The following PPP6R3 variants were observed in gnomAD, a reference collection of about 807,000 sequenced individuals.
The protein encoded by PPP6R3 is protein phosphatase 6 regulatory subunit 3.
PPP6R3 carries 38 observed loss-of-function variants against 110.7 expected under a neutral mutation model. The ratio of observed to expected loss-of-function variants is 0.34; its 90% CI spans 0.26 to 0.45. The LOEUF is 0.45. Ranked by LOEUF, PPP6R3 falls within the 20% of genes least tolerant of loss-of-function variation. PPP6R3 has a pLI of 1.00. For synonymous variants in PPP6R3, 369 were observed against 373.5 expected (o/e 0.99, Z 0.14); for missense variants, 870 against 1,062.4 (o/e 0.82, Z 2.52).
At chr11:68,480,235 G>C (rs1379157311) in intron 1 of PPP6R3, among the ~76,000 whole-genome samples, 1 of 152,052 alleles carries the variant, frequency 6.6e-6, no homozygotes, top group Non-Finnish European at 1.5e-5. Flanking sequence ...CTGATCTTTT[G>C]ATGTTTCTTT....
In PPP6R3 at chr11:68,542,566, G is replaced by A. The variant is rs1026258206; in HGVS notation, c.228-2272G>A. Among the ~76,000 whole-genome samples the A allele has an allele frequency of 2.0e-5, 3 of 151,634 alleles. No homozygotes were observed. In the East Asian group the frequency reaches 5.8e-4, roughly 29 times the overall value. ...GTGCCACCACACCTGGCTAATTTTT[G>A]TGTTTTTAGTAGAGATGGGGTTTTG... On this transcript the variant is annotated intron_variant, in intron 3 of 23. Coordinates refer to ENST00000393800, the MANE Select transcript of PPP6R3 (RefSeq NM_001164161.2).
intron 10 of PPP6R3, among the ~76,000 whole-genome samples, chr11:68,568,332 ATTG>A (rs920366480): frequency 5.3e-5 from 8 of 152,316 alleles, no homozygotes; most frequent in Non-Finnish European, 1.0e-4. Context: ...ATATACAGTT[ATTG>A]TTAATTTATT....
Position 68,545,143 on chromosome 11 carries a change from T to C in PPP6R3, c.414+119T>C, listed in dbSNP as rs960927564. 10 of 690,168 alleles carry C rather than the reference T, an allele frequency of 1.4e-5. No individual in the cohort carries two copies. In the Admixed American group the frequency reaches 1.9e-4, roughly 13 times the overall value. The allele number at this position is 690,168 out of a possible 1,614,324, so 42.8% of individuals were successfully genotyped here. ...CTTAAGTTCAGGTTGTATAAGAGAA[T>C]GTATTTTAAACCTTAAACATTCTAA... is the stretch of plus-strand genomic sequence containing the variant. On this transcript the variant is annotated intron_variant, in intron 4 of 23. Coordinates refer to ENST00000393800, the MANE Select transcript of PPP6R3 (RefSeq NM_001164161.2).
Position 68,480,908 on chromosome 11 carries a change from T to C in PPP6R3, c.-158+20081T>C, listed in dbSNP as rs970515870. Among the ~76,000 whole-genome samples the C allele has an allele frequency of 2.0e-5, 3 of 152,324 alleles. No individual in the cohort carries two copies. The South Asian group carries it at 6.2e-4, about 32-fold the overall frequency. On this transcript the variant is annotated intron_variant, in intron 1 of 23. Coordinates refer to ENST00000393800, the MANE Select transcript of PPP6R3 (RefSeq NM_001164161.2). ...CAACTCTTTTACATTAGGTAGCTCA[T>C]TTTTTATATCCAGAAATGGGAATGA...
In PPP6R3 at chr11:68,614,720, C is replaced by T. The variant is rs766743342; in HGVS notation, c.*1603C>T. 90 of 1,534,044 alleles carry T rather than the reference C, an allele frequency of 5.9e-5. No individual in the cohort carries two copies. The South Asian group carries it at 8.2e-4, about 14-fold the overall frequency. On this transcript the variant is annotated 3_prime_UTR_variant, in exon 24 of 24. Transcript: ENST00000393800. ...AAGGGTGGGTCCCTTGACCTTTGCA[C>T]GCCTCCTCAGGAACCCCCTTTCCCG...
At chr11:68,515,004 A>G (rs1289478933) in intron 1 of PPP6R3, 2 of 152,038 alleles carry the variant, frequency 1.3e-5, no homozygotes, top group Non-Finnish European at 2.9e-5. Context: ...AGGATTTTAG[A>G]CTTTAGGGCT....
At chr11:68,496,182 C>CT (rs200004744) in intron 1 of PPP6R3, among the ~76,000 whole-genome samples, 247 of 144,268 alleles carry the variant, frequency 1.7e-3, no homozygotes, top group African/African-American at 3.4e-3. Flanking sequence ...CTTTTCTTTT[C>CT]TTTTTTTTTT....
At chr11:68,545,337 A>G (rs541039690) in intron 4 of PPP6R3, among the ~76,000 whole-genome samples, 5 of 152,250 alleles carry the variant, frequency 3.3e-5, no homozygotes, top group Non-Finnish European at 7.3e-5. Context: ...GGCAAGTATA[A>G]TAACTAAGCA....
rs571594217 is a variant in PPP6R3 at position 68,503,114 on chromosome 11, T to C, written c.-157-16387T>C. On this transcript the variant is annotated intron_variant, in intron 1 of 23. Transcript: ENST00000393800. ...GCACACCACCACGCCTGGCTAATTT[T>C]TGTATTTTTTAGTAGAGACAGGTTT... Among the ~76,000 whole-genome samples, 8 of 152,154 alleles carry C rather than the reference T, an allele frequency of 5.3e-5. No homozygotes were observed. The East Asian group carries it at 1.5e-3, about 29-fold the overall frequency.
intron 1 of PPP6R3, among the ~76,000 whole-genome samples, chr11:68,466,655 C>T (rs1010777667): frequency 1.3e-5 from 2 of 151,772 alleles, no homozygotes; most frequent in Non-Finnish European, 1.5e-5. Context: ...CACTGTCGCC[C>T]GGGCTGGAGT....
chr11:68,562,524 T>C (rs569524982), intron 8 of PPP6R3, among the ~76,000 whole-genome samples: 4 of 152,290 alleles, frequency 2.6e-5, no homozygotes, highest in African/African-American at 9.6e-5. Flanking sequence ...TGAGACTTAA[T>C]ACAAAGCGAC....
At position 68,606,098 on chromosome 11, in the gene PPP6R3, A is replaced by G. The variant is rs181293295; in HGVS notation, c.2450+2606A>G. Among the ~76,000 whole-genome samples the G allele has an allele frequency of 3.9e-5, 6 of 152,326 alleles. No individual in the cohort carries two copies. The East Asian group carries it at 1.2e-3, about 29-fold the overall frequency. On this transcript the variant is annotated intron_variant, in intron 22 of 23. Coordinates refer to ENST00000393800, the MANE Select transcript of PPP6R3 (RefSeq NM_001164161.2). Reference sequence around the variant, plus strand: ...AGTGTATTAAAAATAATTTATAATGATTAGTTAGGGTTTATCCTGGAAGGC... The same window carrying G: ...AGTGTATTAAAAATAATTTATAATGGTTAGTTAGGGTTTATCCTGGAAGGC...
At chr11:68,466,612 G>GTATT (rs2098748303) in intron 1 of PPP6R3, among the ~76,000 whole-genome samples, 1 of 131,266 alleles carries the variant, frequency 7.6e-6, no homozygotes. Flanking sequence ...CTAATTTTTT[G>GTATT]TATTTATTTA....
At chr11:68,558,960 A>G (rs774656202) in intron 8 of PPP6R3, among the ~76,000 whole-genome samples, 7 of 152,254 alleles carry the variant, frequency 4.6e-5, no homozygotes, top group Non-Finnish European at 1.0e-4. Flanking sequence ...AATAAATGCT[A>G]TAATCAAAAA....
At chr11:68,503,449 A>G (rs1592152980) in intron 1 of PPP6R3, among the ~76,000 whole-genome samples, 1 of 152,246 alleles carries the variant, frequency 6.6e-6, no homozygotes, top group Admixed American at 6.5e-5. Flanking sequence ...TATCAGTGGG[A>G]CAGAAGAAGG....
chr11:68,597,725 C>G (rs182222971), intron 19 of PPP6R3, among the ~76,000 whole-genome samples: 102 of 151,540 alleles, frequency 6.7e-4, no homozygotes, highest in African/African-American at 2.4e-3. Context: ...GGCCTGTAAT[C>G]CCAGCACTTT....
chr11:68,496,042 T>TGGTGCA (rs1223855230), intron 1 of PPP6R3, among the ~76,000 whole-genome samples: 1 of 152,178 alleles, frequency 6.6e-6, no homozygotes, highest in East Asian at 1.9e-4. Flanking sequence ...TGGAGTGCAG[T>TGGTGCA]GGTGCAGTCA....
In PPP6R3 at chr11:68,510,054, C is replaced by CTTTTTT. The variant is rs372113258; in HGVS notation, c.-157-9431_-157-9426dup. The stretch of plus-strand genomic sequence containing the variant: ...ACAGGTGTGAGCTACTGTGCTCGGC[C>CTTTTTT]TTTTTTTTTTTTTTTTTTTTTGATA... On this transcript the variant is annotated intron_variant, in intron 1 of 23. Coordinates refer to ENST00000393800, the MANE Select transcript of PPP6R3 (RefSeq NM_001164161.2). Among the ~76,000 whole-genome samples the CTTTTTT allele has an allele frequency of 2.5e-4, 19 of 76,966 alleles. 1 individual carries two copies. Among genetic ancestry groups the CTTTTTT allele is most frequent in the East Asian group, 4.3e-4 (1 of 2,342 alleles). 50.5% of individuals were successfully genotyped at this position (76,966 alleles called of 152,430 possible). A position where few individuals can be genotyped will look rare whatever the true frequency, so the allele number is the denominator to read the frequency against.
In PPP6R3 at chr11:68,613,947, AT is replaced by A; in HGVS notation, c.*833del. 1.1e-6 allele frequency: 1 copy of A among 949,966 alleles called. No individual in the cohort carries two copies. 58.8% of individuals were successfully genotyped at this position (949,966 alleles called of 1,614,324 possible). A position where few individuals can be genotyped will look rare whatever the true frequency, so the allele number is the denominator to read the frequency against. The stretch of plus-strand genomic sequence containing the variant: ...TTGTTTTTGTTTGTTTTTTTGTTTC[AT>A]TTGGTAGTTCATCTGCCTTTTAACC... On this transcript the variant is annotated 3_prime_UTR_variant, in exon 24 of 24. Coordinates refer to ENST00000393800, the MANE Select transcript of PPP6R3 (RefSeq NM_001164161.2).
Sources: allele counts gnomAD v4.1 joint callset (sites outside exome capture counted in the v4.1 genomes callset), GRCh38; gene constraint gnomAD v4.1.1; transcripts MANE v1.5; gene names NCBI Gene and HGNC (gene_info 2026-07-23, HGNC 2026-07-21).